Variants in KIF20B observed in about 807,000 individuals in gnomAD.
The protein encoded by KIF20B is kinesin family member 20B.
A neutral mutation model predicts 232.5 loss-of-function variants in KIF20B; 188 were observed. The observed-to-expected ratio is 0.81, with a 90% confidence interval of 0.72 to 0.91. KIF20B has a LOEUF of 0.91. KIF20B is among the 40% of genes least tolerant of loss of function. The pLI, the probability that KIF20B is intolerant of heterozygous loss-of-function variation, is 0.00. For synonymous variants in KIF20B, 712 were observed against 683.0 expected (o/e 1.04, Z -0.66); for missense variants, 2,154 against 2,055.9 (o/e 1.05, Z -0.92).
rs749579155 is a variant in KIF20B, at chr10:89,738,571, C to A, written c.3730C>A (p.Gln1244Lys). 1.9e-6 allele frequency: 3 copies of A among 1,563,366 alleles called. No homozygotes were observed. The highest frequency in any genetic ancestry group is 2.6e-6 in the Non-Finnish European group (3 of 1,159,596). ...TTTGCAAGATATGAAACATTTACTT[C>A]AATTAAAAGAAGAAGAAGAAGAAAC... ...NNLQDMKHLLQLKEEEEETNR... is the reference protein window; with the variant it reads ...NNLQDMKHLLKLKEEEEETNR... The change falls in exon 20 of 33, where the codon CAA (glutamine) becomes AAA (lysine). Residue 1244 changes from glutamine to lysine, a missense_variant. Coordinates refer to ENST00000371728, the MANE Select transcript of KIF20B (RefSeq NM_001284259.2).
chr10:89,705,268 TAAA>T, intron 1 of KIF20B, 23 bp from the exon 2 acceptor site: 1 of 1,610,408 alleles, frequency 6.2e-7, no homozygotes, highest in African/African-American at 1.3e-5. Flanking sequence ...TTAAGGTTGT[TAAA>T]GAAGTTGCTG....
chr10:89,724,175 A>G (rs1454532734), intron 14 of KIF20B, 72 bp downstream of exon 14: 2 of 1,324,262 alleles, frequency 1.5e-6, no homozygotes, highest in Non-Finnish European at 2.0e-6. Context: ...TTTTTTACTT[A>G]GTTTACTTTT....
Position 89,719,578 on chromosome 10 carries a change from G to T in KIF20B, c.1594G>T (p.Asp532Tyr), listed in dbSNP as rs1483341788. 1 of 1,613,612 alleles carries T rather than the reference G, an allele frequency of 6.2e-7. No individual in the cohort carries two copies. The change falls in exon 13 of 33, where the codon GAC becomes TAC. Residue 532 changes from aspartate (D) to tyrosine (Y), a missense_variant. Asp to Tyr is a radical substitution (Grantham distance 160). Transcript: ENST00000371728. ...WENSLEDLME[D>Y]EDLVEELENA... ...AAATAGTCTAGAAGATTTGATGGAA[G>T]ACGAGGATTTGGTTGAGGAGCTAGA...
At chr10:89,726,883 G>T (rs1843199069) in intron 16 of KIF20B, among the ~76,000 whole-genome samples, 1 of 151,884 alleles carries the variant, frequency 6.6e-6, no homozygotes, top group South Asian at 2.1e-4. Context: ...ACAGCTCACT[G>T]CAGCCTTCTA....
At chr10:89,720,248 G>A (rs991067072) in intron 13 of KIF20B, among the ~76,000 whole-genome samples, 1 of 152,026 alleles carries the variant, frequency 6.6e-6, no homozygotes, top group Non-Finnish European at 1.5e-5. Context: ...TGAAAAGTGG[G>A]TCCTAGTTTT....
intron 1 of KIF20B, among the ~76,000 whole-genome samples, chr10:89,703,855 C>G (rs1842665989): frequency 6.6e-6 from 1 of 150,900 alleles, no homozygotes; most frequent in Non-Finnish European, 1.5e-5. Flanking sequence ...TGGGTTCAAG[C>G]GATTCTCCTA....
intron 26 of KIF20B, among the ~76,000 whole-genome samples, chr10:89,756,952 C>T (rs1842131199): frequency 1.3e-5 from 2 of 150,366 alleles, no homozygotes; most frequent in African/African-American, 4.9e-5. Context: ...CTGGTTTTGG[C>T]TGTTATGAAT....
intron 20 of KIF20B, 21 bp from the exon 21 acceptor site, chr10:89,738,935 GAA>G (rs1841731240): frequency 6.2e-7 from 1 of 1,604,204 alleles, no homozygotes; most frequent in African/African-American, 1.3e-5. Context: ...CATTACCATA[GAA>G]AAGTGGTTTA....
chr10:89,745,942 A>G lies in KIF20B; in HGVS notation c.4079A>G (p.Tyr1360Cys), dbSNP rs770237957. 12 of 1,611,108 alleles carry G rather than the reference A, an allele frequency of 7.4e-6. No individual in the cohort carries two copies. Among genetic ancestry groups the G allele is most frequent in the Middle Eastern group, 1.7e-4 (1 of 6,048 alleles). Residue 1360 changes from tyrosine to cysteine, a missense_variant, in exon 23 of 33, where the codon TAT becomes TGT. Transcript: ENST00000371728. ...AAAGTGGAAGAAGCTATACAACAGTATGAGAGAGCATGCAAAGGTCAGGAA... is the reference window on the plus strand; with the variant it reads ...AAAGTGGAAGAAGCTATACAACAGTGTGAGAGAGCATGCAAAGGTCAGGAA... ...NQKVEEAIQQ[Y>C]ERACKDLNVK...
At chr10:89,736,045 C>T (rs957561702) in intron 19 of KIF20B, among the ~76,000 whole-genome samples, 6 of 152,096 alleles carry the variant, frequency 3.9e-5, no homozygotes, top group Non-Finnish European at 7.4e-5. Flanking sequence ...GAATGGCGGT[C>T]AGAAGAACAT....
chr10:89,763,822 CTAT>C (rs773766063), intron 29 of KIF20B, among the ~76,000 whole-genome samples: 38 of 147,580 alleles, frequency 2.6e-4, no homozygotes, highest in East Asian at 3.9e-4. Context: ...ATTAATATAA[CTAT>C]TATTACTATT....
Position 89,774,264 on chromosome 10 carries a change from T to G in KIF20B, c.*216T>G. The G allele has an allele frequency of 3.2e-6, 1 of 316,494 alleles. No homozygotes were observed. Among genetic ancestry groups the G allele is most frequent in the Non-Finnish European group, 5.8e-6 (1 of 172,876 alleles). 19.6% of individuals were successfully genotyped at this position (316,494 alleles called of 1,614,324 possible). On this transcript the variant is annotated 3_prime_UTR_variant, in exon 33 of 33. Coordinates refer to ENST00000371728, the MANE Select transcript of KIF20B (RefSeq NM_001284259.2). The stretch of plus-strand genomic sequence containing the variant: ...TAGCTTCTTTCAAACTGTATTTCCC[T>G]ATTATCTCAGACATTGGATCAGTGA...
chr10:89,707,414 C>T (rs888480616), intron 2 of KIF20B, among the ~76,000 whole-genome samples: 4 of 152,108 alleles, frequency 2.6e-5, no homozygotes, highest in East Asian at 1.9e-4. Flanking sequence ...ATTTTGTATG[C>T]GTATGTTCAT....
At position 89,737,383 on chromosome 10, in the gene KIF20B, A is replaced by G. The variant is rs760818149; in HGVS notation, c.2546-4A>G. 1.0e-5 allele frequency: 15 copies of G among 1,486,222 alleles called. No individual in the cohort carries two copies. Among genetic ancestry groups the G allele is most frequent in the Middle Eastern group, 3.8e-4 (2 of 5,240 alleles). 92.1% of individuals were successfully genotyped at this position (1,486,222 alleles called of 1,614,324 possible). A position where few individuals can be genotyped will look rare whatever the true frequency, so the allele number is the denominator to read the frequency against. On this transcript the variant is annotated splice_polypyrimidine_tract_variant and splice_region_variant and intron_variant, in intron 19 of 32. Transcript: ENST00000371728. The stretch of plus-strand genomic sequence containing the variant: ...GATTAATAACAATTTTCTTATTTTT[A>G]AAGGGTCTATCCATGTTAGTTCAGC...
rs115568210 is a variant in KIF20B, at chr10:89,750,681, C to T, written c.4097-665C>T. On this transcript the variant is annotated intron_variant, in intron 23 of 32. Transcript: ENST00000371728. ...AACAAACTGATCTTCCCTCTTTATC[C>T]GTTTCCTGCAGACAGGGTTAATATA... 2.4e-3 allele frequency among the ~76,000 whole-genome samples: 366 copies of T among 152,200 alleles called. 2 individuals are homozygous for T. Among genetic ancestry groups the T allele is most frequent in the African/African-American group, 8.3e-3 (343 of 41,546 alleles).
Position 89,754,592 on chromosome 10 carries a change from A to G in KIF20B, c.4422A>G (p.Lys1474=), listed in dbSNP as rs1212313610. The stretch of plus-strand genomic sequence containing the variant: ...AAATGATGCTTATCACTCAAGCGAA[A>G]GAAGCAGAGAATATACGAAATAAAG... ...EEKMMLITQA[K]EAENIRNKEM... The change falls in exon 26 of 33, where the codon AAA becomes AAG. Residue 1474 remains lysine (K), a synonymous_variant. Coordinates refer to ENST00000371728, the MANE Select transcript of KIF20B (RefSeq NM_001284259.2). The G allele has an allele frequency of 1.2e-6, 2 of 1,607,646 alleles. No homozygotes were observed. Among genetic ancestry groups the G allele is most frequent in the East Asian group, 4.5e-5 (2 of 44,626 alleles).
In KIF20B at chr10:89,714,093, C is replaced by T. The variant is rs376246376; in HGVS notation, c.712+10C>T. ...GATGATACTCTTTATGGTAAGGTTT[C>T]GTTGCTCACTTATCTTTGATGTATC... On this transcript the variant is annotated intron_variant, in intron 7 of 32. Coordinates refer to ENST00000371728, the MANE Select transcript of KIF20B (RefSeq NM_001284259.2). 3.2e-5 allele frequency: 45 copies of T among 1,402,672 alleles called. No homozygotes were observed. The highest frequency in any genetic ancestry group is 1.0e-4 in the African/African-American group (7 of 67,658). 86.9% of individuals were successfully genotyped at this position (1,402,672 alleles called of 1,614,324 possible). A position where few individuals can be genotyped will look rare whatever the true frequency, so the allele number is the denominator to read the frequency against.
chr10:89,757,432 T>G (rs1384865637), intron 26 of KIF20B, among the ~76,000 whole-genome samples: 1 of 151,960 alleles, frequency 6.6e-6, no homozygotes, highest in Non-Finnish European at 1.5e-5. Context: ...CTAGTTTGCT[T>G]TTTCTTTCTT....
intron 6 of KIF20B, among the ~76,000 whole-genome samples, chr10:89,712,820 G>A (rs11185852): frequency 0.31 from 46,984 of 151,920 alleles, 8,172 homozygotes; most frequent in African/African-American, 0.46. Context: ...TCTATTCAAG[G>A]CTGTTAAAAA....
Sources: allele counts gnomAD v4.1 joint callset (sites outside exome capture counted in the v4.1 genomes callset), GRCh38; gene constraint gnomAD v4.1.1; transcripts MANE v1.5; gene names NCBI Gene and HGNC (gene_info 2026-07-23, HGNC 2026-07-21).